ABCE1: variants seen among roughly 807,000 people sequenced by gnomAD.
ABCE1 encodes ATP binding cassette subfamily E member 1.
A neutral mutation model predicts 83.4 loss-of-function variants in ABCE1; 22 were observed. The observed-to-expected ratio is 0.26, with a 90% CI of 0.19 to 0.38. The LOEUF (loss-of-function observed/expected upper bound fraction) is 0.38, where lower values mean the gene tolerates loss of function less well. Among genes scored for constraint, ABCE1 ranks in the 10% least tolerant of loss-of-function variants. ABCE1 has a pLI of 1.00. For synonymous variants in ABCE1, 204 were observed against 233.7 expected (o/e 0.87, Z 1.16); for missense variants, 330 against 721.9 (o/e 0.46, Z 6.22).
intron 2 of ABCE1, among the ~76,000 whole-genome samples, chr4:145,105,383 A>G (rs950327727): frequency 1.3e-5 from 2 of 152,070 alleles, no homozygotes; most frequent in African/African-American, 4.8e-5. Context: ...TTAATTAATC[A>G]TCTCCCTGCT....
intron 9 of ABCE1, among the ~76,000 whole-genome samples, chr4:145,112,671 T>C (rs927573212): frequency 7.9e-5 from 12 of 152,160 alleles, no homozygotes; most frequent in Non-Finnish European, 1.5e-4. Flanking sequence ...GCTTAGAATT[T>C]GTAAGAATCA....
chr4:145,124,857 A>G lies in ABCE1; in HGVS notation c.1641-133A>G. The G allele has an allele frequency of 8.1e-6, 5 of 619,698 alleles. No individual in the cohort carries two copies. The South Asian group carries it at 1.0e-4, about 13-fold the overall frequency. The allele number at this position is 619,698 out of a possible 1,614,324, so 38.4% of individuals were successfully genotyped here. A position where few individuals can be genotyped will look rare whatever the true frequency, so the allele number is the denominator to read the frequency against. On this transcript the variant is annotated intron_variant, in intron 16 of 17. Transcript: ENST00000296577. ...AACACAGGATTTGTAATATGCTGTT[A>G]TTATACTGTTATCCAGATGATTTAT... is the stretch of plus-strand genomic sequence containing the variant.
intron 1 of ABCE1, among the ~76,000 whole-genome samples, chr4:145,100,898 CCTG>C (rs1360249157): frequency 6.6e-6 from 1 of 152,014 alleles, no homozygotes; most frequent in Non-Finnish European, 1.5e-5. Context: ...TGCTTGATCT[CCTG>C]TGTGCTAGGC....
At chr4:145,110,470 G>A in intron 7 of ABCE1, 26 bp downstream of exon 7, 3 of 1,597,310 alleles carry the variant, frequency 1.9e-6, no homozygotes, top group Non-Finnish European at 2.6e-6. Flanking sequence ...TTGTTTGTGT[G>A]AATATATATT....
chr4:145,127,215 A>C (rs1749910610), intron 17 of ABCE1, among the ~76,000 whole-genome samples: 1 of 152,242 alleles, frequency 6.6e-6, no homozygotes, highest in Non-Finnish European at 1.5e-5. Flanking sequence ...TGCATTGATG[A>C]AAATGGAATT....
chr4:145,103,151 C>T lies in ABCE1; in HGVS notation c.-27-1235C>T, dbSNP rs1234601821. On this transcript the variant is annotated intron_variant, in intron 1 of 17. Transcript: ENST00000296577. The stretch of plus-strand genomic sequence containing the variant: ...AGGGAGAGATAATAGTCTAGGACAG[C>T]GTCGAGGAGCAAGATCTCTTATCCC... 3.3e-5 allele frequency among the ~76,000 whole-genome samples: 5 copies of T among 152,002 alleles called. No homozygotes were observed. The South Asian group carries it at 1.0e-3, about 32-fold the overall frequency.
intron 1 of ABCE1, among the ~76,000 whole-genome samples, chr4:145,099,946 T>A (rs549468095): frequency 6.6e-6 from 1 of 152,218 alleles, no homozygotes; most frequent in African/African-American, 2.4e-5. Context: ...CCTTCTTTGT[T>A]TGCAGGAGCC....
At chr4:145,126,097 T>A (rs1749880684) in intron 17 of ABCE1, among the ~76,000 whole-genome samples, 1 of 151,958 alleles carries the variant, frequency 6.6e-6, no homozygotes, top group South Asian at 2.1e-4. Flanking sequence ...CTAAACAAGC[T>A]CCTGTGATGA....
Position 145,104,372 on chromosome 4 carries a change from T to C in ABCE1, c.-27-14T>C. ...TAACTAATGGCATTAAATTTGTTGA[T>C]TTTTCTTTCATAGAAGAGCTGGATA... On this transcript the variant is annotated splice_polypyrimidine_tract_variant and intron_variant, in intron 1 of 17. Transcript: ENST00000296577. 2 of 1,390,202 alleles carry C rather than the reference T, an allele frequency of 1.4e-6. No individual in the cohort carries two copies. The highest frequency in any genetic ancestry group is 9.9e-7 in the Non-Finnish European group (1 of 1,013,366). 86.1% of individuals were successfully genotyped at this position (1,390,202 alleles called of 1,614,324 possible).
At chr4:145,120,946 A>G in intron 11 of ABCE1, 1 of 491,168 alleles carries the variant, frequency 2.0e-6, no homozygotes, top group Non-Finnish European at 3.6e-6. Flanking sequence ...CATTTATTAA[A>G]ATTGTCATAA....
intron 1 of ABCE1, among the ~76,000 whole-genome samples, chr4:145,103,375 C>T (rs1384404270): frequency 6.6e-6 from 1 of 152,030 alleles, no homozygotes; most frequent in Non-Finnish European, 1.5e-5. Context: ...TATTAAGGCA[C>T]CTTTTGGAAT....
At chr4:145,121,094 T>C in intron 11 of ABCE1, 80 bp from the exon 12 acceptor site, 1 of 1,447,258 alleles carries the variant, frequency 6.9e-7, no homozygotes, top group Non-Finnish European at 9.6e-7. Context: ...AATTTCTCAG[T>C]TAAAACCAAA....
At chr4:145,103,289 A>C (rs532689316) in intron 1 of ABCE1, among the ~76,000 whole-genome samples, 1 of 152,296 alleles carries the variant, frequency 6.6e-6, no homozygotes, top group Non-Finnish European at 1.5e-5. Flanking sequence ...ACAGTAAGAA[A>C]AAGACAACAT....
chr4:145,120,175 A>G, intron 11 of ABCE1, 22 bp downstream of exon 11: 1 of 1,577,628 alleles, frequency 6.3e-7, no homozygotes, highest in South Asian at 1.2e-5. Context: ...GTTTTGTGAT[A>G]AGTAAAAATC....
At chr4:145,109,282 A>G in intron 5 of ABCE1, 33 bp downstream of exon 5, 2 of 1,320,764 alleles carry the variant, frequency 1.5e-6, no homozygotes, top group African/African-American at 1.5e-5. Flanking sequence ...AATTAATATC[A>G]TGAGTCAGTT....
chr4:145,109,383 C>A, intron 5 of ABCE1, 134 bp downstream of exon 5: 1 of 529,508 alleles, frequency 1.9e-6, no homozygotes, highest in Non-Finnish European at 3.2e-6. Flanking sequence ...AATTTATAAA[C>A]AAAGCTCTTT....
chr4:145,116,544 T>A (rs1449450797), intron 9 of ABCE1, among the ~76,000 whole-genome samples: 1 of 151,884 alleles, frequency 6.6e-6, no homozygotes, highest in South Asian at 2.1e-4. Context: ...ATTTGACATA[T>A]GAGATGTTTG....
intron 3 of ABCE1, among the ~76,000 whole-genome samples, chr4:145,106,635 TGGA>T (rs1749312129): frequency 1.3e-5 from 2 of 152,056 alleles, no homozygotes; most frequent in Admixed American, 1.3e-4. Context: ...TCTTTGAGGG[TGGA>T]GAAGTAATGT....
intron 10 of ABCE1, among the ~76,000 whole-genome samples, chr4:145,119,131 G>A (rs935217814): frequency 1.4e-4 from 21 of 152,000 alleles, no homozygotes; most frequent in African/African-American, 4.8e-4. Flanking sequence ...TTGAACACCT[G>A]TGTTCTAGGA....
Sources: gnomAD v4.1 joint callset for allele counts (sites outside exome capture counted in the v4.1 genomes callset) on GRCh38, gnomAD v4.1.1 for gene constraint, MANE v1.5 for transcripts, NCBI Gene and HGNC (gene_info 2026-07-23, HGNC 2026-07-21) for gene names.